The following GOLGA6L7 variants were observed in gnomAD, a reference collection of about 807,000 sequenced individuals.
The protein encoded by GOLGA6L7 is golgin A6 family like 7.
A neutral mutation model predicts 68.9 loss-of-function variants in GOLGA6L7; 29 were observed. The observed-to-expected ratio is 0.42, with a 90% CI of 0.31 to 0.57. The LOEUF is 0.57. Among genes scored for constraint, GOLGA6L7 ranks in the 20% least tolerant of loss-of-function variants. The probability of loss-of-function intolerance (pLI) is 0.13; values close to 1 mark genes in which losing one functional copy is unlikely to be tolerated. For synonymous variants in GOLGA6L7, 133 were observed against 197.4 expected (o/e 0.67, Z 2.73); for missense variants, 396 against 588.4 (o/e 0.67, Z 3.38).
In GOLGA6L7 at chr15:28,843,059, G is replaced by T. The variant is rs2030266212; in HGVS notation, c.1045C>A (p.Leu349Met). Reference sequence around the variant, plus strand: ...TTCCGCATCTGCTCCTTCTGCTTCAGCATCTGCTTCTCCTGCTTCCGCATC... The same window carrying T: ...TTCCGCATCTGCTCCTTCTGCTTCATCATCTGCTTCTCCTGCTTCCGCATC... The part of the protein sequence containing the change: ...EQMRKQEKQM[L>M]KQKEQMRKQE... Residue 349 changes from leucine (L) to methionine (M), a missense_variant, in exon 9 of 9, where the codon CTG becomes ATG. Physicochemically the swap from Leu to Met is conservative, Grantham distance 15 (BLOSUM62 2). Coordinates refer to ENST00000567390, the MANE Select transcript of GOLGA6L7 (RefSeq NM_001365371.2). 1 of 1,251,828 alleles carries T rather than the reference G, an allele frequency of 8.0e-7. No individual in the cohort carries two copies. Among genetic ancestry groups the T allele is most frequent in the African/African-American group, 1.7e-5 (1 of 60,394 alleles). 77.5% of individuals were successfully genotyped at this position (1,251,828 alleles called of 1,614,324 possible).
At position 28,845,616 on chromosome 15, in the gene GOLGA6L7, T is replaced by C. The variant is rs746649953; in HGVS notation, c.375A>G (p.Ala125=). The C allele has an allele frequency of 9.0e-6, 7 of 773,974 alleles. No individual in the cohort carries two copies. The Admixed American group carries it at 9.8e-5, about 11-fold the overall frequency. The allele number at this position is 773,974 out of a possible 1,614,324, so 47.9% of individuals were successfully genotyped here. The part of the protein sequence containing the change: ...RKFEEDSKDL[A]ARLHHSWHFA... ...AGTGCCAGGAATGATGCAGGCGGGC[T>C]GCCAGATCCTTGGAATCTTCTGGAA... The change falls in exon 6 of 9, where the codon GCA becomes GCG. Residue 125 remains alanine, a synonymous_variant. Transcript: ENST00000567390.
Position 28,845,789 on chromosome 15 carries a change from A to AT in GOLGA6L7, c.283dup (p.Ile95AsnfsTer8), listed in dbSNP as rs199661446. 6,422 of 832,356 alleles carry AT rather than the reference A, an allele frequency of 7.7e-3. 52 individuals are homozygous for AT. Among genetic ancestry groups the AT allele is most frequent in the Non-Finnish European group, 8.2e-3 (3,987 of 485,762 alleles). 51.6% of individuals were successfully genotyped at this position (832,356 alleles called of 1,614,324 possible). ...CAGTTCAGTTTTCTGACACATAAGG[A>AT]TTCGTATGGTATGATCCTGGGCCTT... On this transcript the variant is annotated frameshift_variant, in exon 5 of 9. Transcript: ENST00000567390. LOFTEE classifies it high-confidence loss of function.
At position 28,843,423 on chromosome 15, in the gene GOLGA6L7, CAA is replaced by C. The variant is rs1251762051; in HGVS notation, c.679_680del (p.Leu227AlafsTer282). Reference protein sequence around the residue: ...IPLPQVQTNTLQEKMWRQEEE... With the variant: ...IPLPQVQTNTXQEKMWRQEEE... ...CCTCCTGCCTCCACATCTTCTCCTG[CAA>C]AGTGTTGGTTTGAACCTCAAAAGGA... On this transcript the variant is annotated frameshift_variant, in exon 9 of 9. Transcript: ENST00000567390. LOFTEE classifies it high-confidence loss of function. 2.6e-6 allele frequency: 2 copies of C among 768,346 alleles called. No homozygotes were observed. Among genetic ancestry groups the C allele is most frequent in the African/African-American group, 3.8e-5 (2 of 52,940 alleles). 47.6% of individuals were successfully genotyped at this position (768,346 alleles called of 1,614,324 possible).
Position 28,845,900 on chromosome 15 carries a change from C to T in GOLGA6L7, c.261G>A (p.Glu87=). ...AGGGAACTTCACACCCTCCACTCAC[C>T]TCTAGCTGCCTCCTTAGGGCTTGCT... ...QHQQALRRQL[E]AQDHTIRILM... Residue 87 remains glutamate, a splice_region_variant and synonymous_variant, in exon 4 of 9, where the codon GAG becomes GAA. Coordinates refer to ENST00000567390, the MANE Select transcript of GOLGA6L7 (RefSeq NM_001365371.2). 4.0e-6 allele frequency: 5 copies of T among 1,260,054 alleles called. No individual in the cohort carries two copies. The highest frequency in any genetic ancestry group is 5.7e-6 in the Non-Finnish European group (5 of 873,900). 78.1% of individuals were successfully genotyped at this position (1,260,054 alleles called of 1,614,324 possible). A position where few individuals can be genotyped will look rare whatever the true frequency, so the allele number is the denominator to read the frequency against.
chr15:28,847,738 A>C (rs1333979234), intron 1 of GOLGA6L7, among the ~76,000 whole-genome samples: 1 of 152,226 alleles, frequency 6.6e-6, no homozygotes, highest in Non-Finnish European at 1.5e-5. Context: ...ATCCTGTGGC[A>C]CTCAAAGTAC....
intron 2 of GOLGA6L7, 128 bp from the exon 3 acceptor site, chr15:28,846,377 A>C (rs1306625610): frequency 2.0e-5 from 14 of 685,466 alleles, no homozygotes; most frequent in Non-Finnish European, 3.7e-5. Context: ...TGGGAACACA[A>C]ACTGGTCAAC....
At chr15:28,847,652 C>T (rs1299535552) in intron 1 of GOLGA6L7, among the ~76,000 whole-genome samples, 2 of 152,264 alleles carry the variant, frequency 1.3e-5, no homozygotes, top group African/African-American at 2.4e-5. Flanking sequence ...TGACTATCAT[C>T]CCTAAGAACA....
Position 28,848,489 on chromosome 15 carries a change from T to C in GOLGA6L7, c.51+10A>G, listed in dbSNP as rs1320045704. The C allele has an allele frequency of 2.6e-5, 18 of 698,356 alleles. No homozygotes were observed. The highest frequency in any genetic ancestry group is 4.4e-5 in the Non-Finnish European group (17 of 382,670). The allele number at this position is 698,356 out of a possible 1,614,324, so 43.3% of individuals were successfully genotyped here. A position where few individuals can be genotyped will look rare whatever the true frequency, so the allele number is the denominator to read the frequency against. ...TTGGGGTTGGGGTGCTGCAATCCGA[T>C]GCGTTTTACCTTTTTCTTGGTCCCA... On this transcript the variant is annotated intron_variant, in intron 1 of 8. Transcript: ENST00000567390.
rs1366960774 is a variant in GOLGA6L7, at chr15:28,848,632, C to T, written c.-83G>A. The T allele has an allele frequency of 2.2e-5, 16 of 741,200 alleles. No homozygotes were observed. The highest frequency in any genetic ancestry group is 3.9e-5 in the Non-Finnish European group (16 of 405,570). 45.9% of individuals were successfully genotyped at this position (741,200 alleles called of 1,614,324 possible). ...GATATGCCTCCAGTCACGTACCACA[C>T]AGCTATGTGACTGAGCCACAGGAGG... On this transcript the variant is annotated 5_prime_UTR_variant, in exon 1 of 9. It adds an upstream start codon to the 5' untranslated region. Coordinates refer to ENST00000567390, the MANE Select transcript of GOLGA6L7 (RefSeq NM_001365371.2).
chr15:28,846,925 C>T lies in GOLGA6L7; in HGVS notation c.180+139G>A, dbSNP rs76540188. The stretch of plus-strand genomic sequence containing the variant: ...AATTTTCCCTAAACCGTGTCCCTCG[C>T]AGTTGGAGAGAGAAGTAGGACTCAA... On this transcript the variant is annotated intron_variant, in intron 2 of 8. Transcript: ENST00000567390. The T allele has an allele frequency of 5.2e-3, 2,684 of 511,676 alleles. No individual in the cohort carries two copies. The African/African-American group carries it at 0.079, about 15-fold the overall frequency. 31.7% of individuals were successfully genotyped at this position (511,676 alleles called of 1,614,324 possible).
At chr15:28,844,434 T>C (rs1029789286) in intron 6 of GOLGA6L7, among the ~76,000 whole-genome samples, 171 bp from the exon 7 acceptor site, 2 of 148,116 alleles carry the variant, frequency 1.4e-5, no homozygotes, top group Non-Finnish European at 3.0e-5. Context: ...TCTTTTCTTT[T>C]TTTTTTTTTT....
chr15:28,847,275 G>A, intron 1 of GOLGA6L7, 83 bp from the exon 2 acceptor site: 3 of 792,362 alleles, frequency 3.8e-6, no homozygotes, highest in Non-Finnish European at 5.8e-6. Flanking sequence ...TACTCTCATA[G>A]ACGATCTGAC....
chr15:28,841,939 C>T lies in GOLGA6L7; in HGVS notation c.*296G>A. 1 of 204,854 alleles carries T rather than the reference C, an allele frequency of 4.9e-6. No homozygotes were observed. Among genetic ancestry groups the T allele is most frequent in the East Asian group, 1.1e-4 (1 of 9,500 alleles). 12.7% of individuals were successfully genotyped at this position (204,854 alleles called of 1,614,324 possible). ...AGAAACATACATAGATATTAGAGTC[C>T]TCAGGTAGAATTTTTTTTTTTTTTT... On this transcript the variant is annotated 3_prime_UTR_variant, in exon 9 of 9. Coordinates refer to ENST00000567390, the MANE Select transcript of GOLGA6L7 (RefSeq NM_001365371.2).
At chr15:28,844,093 C>G in intron 7 of GOLGA6L7, 112 bp downstream of exon 7, 1 of 564,600 alleles carries the variant, frequency 1.8e-6, no homozygotes, top group Non-Finnish European at 3.1e-6. Context: ...TCCCTGCACA[C>G]ACATGTAAAC....
chr15:28,847,949 GAAAAC>G (rs1251400436), intron 1 of GOLGA6L7, among the ~76,000 whole-genome samples: 2 of 152,238 alleles, frequency 1.3e-5, no homozygotes, highest in Admixed American at 6.5e-5. Context: ...AAGCCTGGGA[GAAAAC>G]CAAACCAAAC....
chr15:28,842,405 G>T lies in GOLGA6L7; in HGVS notation c.1699C>A (p.Pro567Thr), dbSNP rs2030220675. 1.1e-5 allele frequency: 13 copies of T among 1,188,740 alleles called. No homozygotes were observed. Among genetic ancestry groups the T allele is most frequent in the Non-Finnish European group, 1.3e-5 (12 of 943,888 alleles). 73.6% of individuals were successfully genotyped at this position (1,188,740 alleles called of 1,614,324 possible). Residue 567 changes from proline (P) to threonine (T), a missense_variant, in exon 9 of 9, where the codon CCT becomes ACT. Physicochemically the swap from Pro to Thr is conservative, Grantham distance 38. Transcript: ENST00000567390. Reference protein sequence around the residue: ...SDMSHPGSLEPAREAGKGYSH... With the variant: ...SDMSHPGSLETAREAGKGYSH... ...TAACCCTTCCCGGCCTCTCGTGCAGGCTCCAGGCTGCCAGGGTGGCTCATA... is the reference window on the plus strand; with the variant it reads ...TAACCCTTCCCGGCCTCTCGTGCAGTCTCCAGGCTGCCAGGGTGGCTCATA...
At chr15:28,847,992 G>C (rs2030500906) in intron 1 of GOLGA6L7, among the ~76,000 whole-genome samples, 1 of 152,198 alleles carries the variant, frequency 6.6e-6, no homozygotes, top group Admixed American at 6.5e-5. Flanking sequence ...CTGTGCCCAA[G>C]TTGCCTCTTT....
At chr15:28,843,896 GA>G in intron 7 of GOLGA6L7, 21 bp from the exon 8 acceptor site, 1 of 1,055,224 alleles carries the variant, frequency 9.5e-7, no homozygotes, top group Non-Finnish European at 1.4e-6. Flanking sequence ...AGGCAGTAGA[GA>G]AAGGAATGAA....
At chr15:28,846,495 A>G (rs1476135054) in intron 2 of GOLGA6L7, among the ~76,000 whole-genome samples, 11 of 152,144 alleles carry the variant, frequency 7.2e-5, no homozygotes, top group Non-Finnish European at 4.4e-5. Flanking sequence ...AGTAACATAA[A>G]CCTTCCGACA....
Sources: gnomAD v4.1 joint callset for allele counts (sites outside exome capture counted in the v4.1 genomes callset) on GRCh38, gnomAD v4.1.1 for gene constraint, MANE v1.5 for transcripts, NCBI Gene and HGNC (gene_info 2026-07-23, HGNC 2026-07-21) for gene names.